Variants in CNTNAP1 observed in about 807,000 individuals in gnomAD.
CNTNAP1 encodes contactin-associated protein 1.
A neutral mutation model predicts 161.5 loss-of-function variants in CNTNAP1; 80 were observed. The ratio of observed to expected loss-of-function variants is 0.50; its 90% CI spans 0.41 to 0.60. The LOEUF is 0.60. CNTNAP1 is among the 20% of genes least tolerant of loss of function. CNTNAP1 has a pLI of 0.00. For synonymous variants in CNTNAP1, 695 were observed against 733.1 expected (o/e 0.95, Z 0.84); for missense variants, 1,464 against 1,854.8 (o/e 0.79, Z 3.87).
rs796632726 is a variant in CNTNAP1, at chr17:42,686,479, T to G, written c.900+338T>G. ...ACCAGAAAAAGGCCTGTTTTTTTTT[T>G]TTTTTTTTTTTTTTGTGGGTGTTGT... On this transcript the variant is annotated intron_variant, in intron 6 of 23. Transcript: ENST00000264638. 2.6e-3 allele frequency among the ~76,000 whole-genome samples: 304 copies of G among 118,288 alleles called. 3 individuals are homozygous for G. The highest frequency in any genetic ancestry group is 0.019 in the African/African-American group (286 of 14,922). 77.6% of individuals were successfully genotyped at this position (118,288 alleles called of 152,430 possible).
intron 3 of CNTNAP1, 47 bp downstream of exon 3, chr17:42,684,276 C>T (rs1365469501): frequency 1.3e-6 from 2 of 1,563,404 alleles, no homozygotes; most frequent in Non-Finnish European, 1.7e-6. Flanking sequence ...TTCCTCTGCT[C>T]CAGGCTCTGG....
At chr17:42,688,690 T>C (rs1046729671) in intron 9 of CNTNAP1, 79 bp downstream of exon 9, 11 of 1,585,382 alleles carry the variant, frequency 6.9e-6, no homozygotes, top group Admixed American at 1.7e-5. Context: ...TGGGGCCACA[T>C]GGAGAATTTT....
rs754545057 is a variant in CNTNAP1 at position 42,684,985 on chromosome 17, C to T, written c.364-6C>T. Reference sequence around the variant, plus strand: ...ACGTGGTTACTACTCTCCTCCACCCCCGCAGACCTTCTTTGGTAACGTGAA... The same window carrying T: ...ACGTGGTTACTACTCTCCTCCACCCTCGCAGACCTTCTTTGGTAACGTGAA... On this transcript the variant is annotated splice_polypyrimidine_tract_variant and splice_region_variant and intron_variant, in intron 3 of 23. Coordinates refer to ENST00000264638, the MANE Select transcript of CNTNAP1 (RefSeq NM_003632.3). 4 of 1,607,116 alleles carry T rather than the reference C, an allele frequency of 2.5e-6. No homozygotes were observed. The African/African-American group carries it at 4.0e-5, about 16-fold the overall frequency.
intron 20 of CNTNAP1, among the ~76,000 whole-genome samples, chr17:42,696,565 C>T (rs552066955): frequency 1.5e-4 from 23 of 152,138 alleles, no homozygotes; most frequent in South Asian, 4.1e-4. Context: ...TCAGATGATC[C>T]GCCTACCTCA....
At position 42,686,081 on chromosome 17, in the gene CNTNAP1, CG is replaced by C. The variant is rs2053003065; in HGVS notation, c.842del (p.Gly281AlafsTer15). On this transcript the variant is annotated frameshift_variant, in exon 6 of 24. Coordinates refer to ENST00000264638, the MANE Select transcript of CNTNAP1 (RefSeq NM_003632.3). LOFTEE classifies it high-confidence loss of function. ...GCCGCGATGTAAATTTCACCCTGGACGGCTATGTGCAGCGCTTTATTCTCAA... is the reference window on the plus strand; with the variant it reads ...GCCGCGATGTAAATTTCACCCTGGACGCTATGTGCAGCGCTTTATTCTCAA... ...FGRDVNFTLD[G>X]YVQRFILNGD... 6.2e-7 allele frequency: 1 copy of C among 1,614,030 alleles called. No individual in the cohort carries two copies. The highest frequency in any genetic ancestry group is 8.5e-7 in the Non-Finnish European group (1 of 1,180,044).
chr17:42,684,377 G>A (rs2143646078), intron 3 of CNTNAP1, 148 bp downstream of exon 3: 1 of 748,914 alleles, frequency 1.3e-6, no homozygotes, highest in Admixed American at 2.6e-5. Context: ...CTGTCCAGAG[G>A]GACTGTCAGC....
At chr17:42,689,184 T>C in intron 10 of CNTNAP1, 137 bp downstream of exon 10, 2 of 848,064 alleles carry the variant, frequency 2.4e-6, no homozygotes, top group Non-Finnish European at 3.6e-6. Context: ...TGATTCTTCT[T>C]TGATCTCTTA....
rs536861096 is a variant in CNTNAP1 at position 42,688,981 on chromosome 17, T to C, written c.1562T>C (p.Leu521Pro). The C allele has an allele frequency of 1.2e-6, 2 of 1,613,220 alleles. No homozygotes were observed. The highest frequency in any genetic ancestry group is 4.5e-5 in the East Asian group (2 of 44,838). ...KVDGQLVNLT[L>P]VEGRRLGFYA... The stretch of plus-strand genomic sequence containing the variant: ...GATGGTCAACTGGTCAACCTGACTC[T>C]GGTGGAGGGCCGGCGGCTTGGATTC... Residue 521 changes from leucine (L) to proline (P), a missense_variant, in exon 10 of 24, where the codon CTG (leucine) becomes CCG (proline). Around this residue, in one of 3 missense-constraint regions of CNTNAP1, gnomAD observed 1,383 missense variants for 1,765.0 expected, o/e 0.78. Transcript: ENST00000264638.
At position 42,693,370 on chromosome 17, in the gene CNTNAP1, C is replaced by A; in HGVS notation, c.2826C>A (p.Asn942Lys). ...TGCGTCTGAACGGAGTGACTCTGAA[C>A]CTGGAGGGCCGTGCCAATGCCTCTG... ...RAMRLNGVTLNLEGRANASEG... is the reference protein window; with the variant it reads ...RAMRLNGVTLKLEGRANASEG... Residue 942 changes from asparagine (N) to lysine (K), a missense_variant, in exon 18 of 24, where the codon AAC becomes AAA. This residue lies in a region of CNTNAP1 where 1,383 missense variants were observed against 1,765.0 expected (regional missense o/e 0.78). Coordinates refer to ENST00000264638, the MANE Select transcript of CNTNAP1 (RefSeq NM_003632.3). 1 of 1,614,208 alleles carries A rather than the reference C, an allele frequency of 6.2e-7. No homozygotes were observed. The highest frequency in any genetic ancestry group is 8.5e-7 in the Non-Finnish European group (1 of 1,180,040).
rs908472200 is a variant in CNTNAP1 at position 42,688,628 on chromosome 17, C to A, written c.1456+17C>A. The A allele has an allele frequency of 6.2e-7, 1 of 1,614,120 alleles. No individual in the cohort carries two copies. The highest frequency in any genetic ancestry group is 1.3e-5 in the African/African-American group (1 of 75,058). On this transcript the variant is annotated intron_variant, in intron 9 of 23. Transcript: ENST00000264638. ...TCTTTGGGGGTAAGTGGGGGCCAAC[C>A]TGACCAGACCTCTGTTTCTGGGTGG...
rs750249811 is a variant in CNTNAP1 at position 42,685,186 on chromosome 17, G to C, written c.512-31G>C. The stretch of plus-strand genomic sequence containing the variant: ...GGGGGCCTGGGAGACAGCCTCCCCA[G>C]TTCCCGGCCCACCTACGGTCCTTTG... On this transcript the variant is annotated intron_variant, in intron 4 of 23. Transcript: ENST00000264638. The surrounding 1 kb of genome is among the most constrained non-coding windows in gnomAD (Gnocchi z 5.0). 3 of 1,611,748 alleles carry C rather than the reference G, an allele frequency of 1.9e-6. No individual in the cohort carries two copies. The highest frequency in any genetic ancestry group is 2.5e-6 in the Non-Finnish European group (3 of 1,178,928).
At chr17:42,692,232 C>G (rs1472962978) in intron 16 of CNTNAP1, among the ~76,000 whole-genome samples, 6 of 152,166 alleles carry the variant, frequency 3.9e-5, no homozygotes, top group Non-Finnish European at 8.8e-5. Flanking sequence ...GCTGGACCTT[C>G]GAGTCCCTCT....
In CNTNAP1 at chr17:42,688,574, G is replaced by C. The variant is rs982549877; in HGVS notation, c.1419G>C (p.Pro473=). ...VEGAEVRVSY[P]LLIRTGTSYF... ...GGGCAGAGGTCAGGGTCTCATACCC[G>C]TTGCTGATCCGGACAGGGACCTCAT... Residue 473 remains proline, a synonymous_variant, in exon 9 of 24, where the codon CCG becomes CCC. Coordinates refer to ENST00000264638, the MANE Select transcript of CNTNAP1 (RefSeq NM_003632.3). 2 of 1,614,170 alleles carry C rather than the reference G, an allele frequency of 1.2e-6. No individual in the cohort carries two copies. The highest frequency in any genetic ancestry group is 2.2e-5 in the South Asian group (2 of 91,082).
In CNTNAP1 at chr17:42,685,444, T is replaced by G; in HGVS notation, c.715+24T>G. 1 of 1,589,360 alleles carries G rather than the reference T, an allele frequency of 6.3e-7. No individual in the cohort carries two copies. Among genetic ancestry groups the G allele is most frequent in the Non-Finnish European group, 8.5e-7 (1 of 1,173,132 alleles). On this transcript the variant is annotated intron_variant, in intron 5 of 23. Coordinates refer to ENST00000264638, the MANE Select transcript of CNTNAP1 (RefSeq NM_003632.3). This position sits in a 1 kb window ranked among gnomAD's most constrained non-coding sequence, Gnocchi z 5.0. ...GGGTGAGCTCGGCGACCATGTGCGA[T>G]GCGGAGCCAACCCCTGAAGCTCTCT...
rs897009621 is a variant in CNTNAP1 at position 42,697,282 on chromosome 17, C to T, written c.3483C>T (p.Tyr1161=). Residue 1161 remains tyrosine, a synonymous_variant, in exon 21 of 24, where the codon TAC becomes TAT. Transcript: ENST00000264638. ...CCCCCTCCCCACCTCAGGTGGACTA[C>T]TTCCCACTGACAGAGCAGAAGTTCT... ...VYRNLFIQVD[Y]FPLTEQKFSL... The T allele has an allele frequency of 5.6e-6, 9 of 1,609,042 alleles. No homozygotes were observed. Among genetic ancestry groups the T allele is most frequent in the Non-Finnish European group, 7.7e-6 (9 of 1,175,910 alleles).
Position 42,685,440 on chromosome 17 carries a change from G to A in CNTNAP1, c.715+20G>A, listed in dbSNP as rs781415725. 6.3e-6 allele frequency: 10 copies of A among 1,590,170 alleles called. No homozygotes were observed. The African/African-American group carries it at 1.1e-4, about 17-fold the overall frequency. On this transcript the variant is annotated intron_variant, in intron 5 of 23. Coordinates refer to ENST00000264638, the MANE Select transcript of CNTNAP1 (RefSeq NM_003632.3). This position sits in a 1 kb window ranked among gnomAD's most constrained non-coding sequence, Gnocchi z 5.0. ...GCCTGGGTGAGCTCGGCGACCATGT[G>A]CGATGCGGAGCCAACCCCTGAAGCT...
In CNTNAP1 at chr17:42,689,380, G is replaced by A. The variant is rs529753937; in HGVS notation, c.1629-141G>A. ...GACTGCCTAGTGCCCCTGCATCTGC[G>A]CTTATACCCGGCTGGCTAGGCGGGG... is the stretch of plus-strand genomic sequence containing the variant. On this transcript the variant is annotated intron_variant, in intron 10 of 23. Transcript: ENST00000264638. The A allele has an allele frequency of 9.4e-5, 62 of 656,396 alleles. No individual in the cohort carries two copies. In the East Asian group the frequency reaches 1.6e-3, roughly 16 times the overall value. 40.7% of individuals were successfully genotyped at this position (656,396 alleles called of 1,614,324 possible).
chr17:42,691,650 T>TGG lies in CNTNAP1; in HGVS notation c.2344+140_2344+141insGG. ...CTGTGATGCGATCTCATTACCCCTC[T>TGG]GCACCTGGCTCCTCTTTCATTCCAC... On this transcript the variant is annotated intron_variant, in intron 15 of 23. Coordinates refer to ENST00000264638, the MANE Select transcript of CNTNAP1 (RefSeq NM_003632.3). This position sits in a 1 kb window ranked among gnomAD's most constrained non-coding sequence, Gnocchi z 4.3. 7.3e-7 allele frequency: 1 copy of TGG among 1,376,744 alleles called. No homozygotes were observed. The highest frequency in any genetic ancestry group is 1.0e-6 in the Non-Finnish European group (1 of 991,818). The allele number at this position is 1,376,744 out of a possible 1,614,324, so 85.3% of individuals were successfully genotyped here.
chr17:42,683,578 G>A (rs1034960854), intron 1 of CNTNAP1: 1 of 1,380,140 alleles, frequency 7.2e-7, no homozygotes, highest in African/African-American at 1.5e-5. Context: ...GCTAGGGAGG[G>A]TCTGGCCTTG....
Sources: gnomAD v4.1 joint callset for allele counts (sites outside exome capture counted in the v4.1 genomes callset) on GRCh38, gnomAD v4.1.1 for gene constraint, gnomAD v4.1.1 regional missense constraint, Gnocchi (gnomAD v3.1) non-coding constraint, MANE v1.5 for transcripts, NCBI Gene and HGNC (gene_info 2026-07-23, HGNC 2026-07-21) for gene names.